SGSM2: variants seen among roughly 807,000 people sequenced by gnomAD.
SGSM2 encodes the protein small G protein signaling modulator 2.
Under a neutral mutation model 126.6 loss-of-function variants are expected in SGSM2, and 89 were observed. The observed-to-expected ratio is 0.70, with a 90% CI of 0.59 to 0.84. The LOEUF (loss-of-function observed/expected upper bound fraction) is 0.84. SGSM2 is among the 40% of genes least tolerant of loss of function. The probability of loss-of-function intolerance (pLI) is 0.00; values close to 1 mark genes in which losing one functional copy is unlikely to be tolerated. For synonymous variants in SGSM2, 614 were observed against 574.3 expected (o/e 1.07, Z -0.99); for missense variants, 1,404 against 1,416.6 (o/e 0.99, Z 0.14).
chr17:2,342,033 A>C (rs969147271), intron 1 of SGSM2, among the ~76,000 whole-genome samples: 2 of 152,170 alleles, frequency 1.3e-5, no homozygotes, highest in African/African-American at 4.8e-5. Flanking sequence ...AGCTATACAC[A>C]ACATGAACAA....
intron 2 of SGSM2, among the ~76,000 whole-genome samples, chr17:2,352,761 CATTTTCTTT>C (rs2064908766): frequency 2.1e-5 from 3 of 140,004 alleles, no homozygotes; most frequent in Admixed American, 7.2e-5. Flanking sequence ...ACCACTGCTG[CATTTTCTTT>C]TTTTTTTTTT....
intron 22 of SGSM2, 45 bp downstream of exon 22, chr17:2,377,998 G>C (rs2066258257): frequency 1.6e-6 from 2 of 1,214,526 alleles, no homozygotes; most frequent in African/African-American, 1.5e-5. Flanking sequence ...GGGACAGTGA[G>C]AGATCCCTCT....
chr17:2,364,859 G>A (rs201834458), intron 9 of SGSM2, 38 bp from the exon 10 acceptor site: 90 of 1,597,064 alleles, frequency 5.6e-5, no homozygotes, highest in Admixed American at 1.3e-4. Flanking sequence ...GATAGCCGAC[G>A]AGAGGGCCTC....
intron 1 of SGSM2, among the ~76,000 whole-genome samples, chr17:2,341,262 C>T (rs895245689): frequency 6.6e-6 from 1 of 152,132 alleles, no homozygotes; most frequent in Non-Finnish European, 1.5e-5. Flanking sequence ...GGATTACTGG[C>T]ACCCACCACC....
At position 2,338,047 on chromosome 17, in the gene SGSM2, G is replaced by C. The variant is rs534194892; in HGVS notation, c.57+302G>C. The stretch of plus-strand genomic sequence containing the variant: ...GGGGAGGGGTGGCGGCGATGGCGGG[G>C]ATGGCTGGATCCGGAGCTGCCCATT... On this transcript the variant is annotated intron_variant, in intron 1 of 23. Transcript: ENST00000268989. 5.3e-5 allele frequency among the ~76,000 whole-genome samples: 8 copies of C among 152,216 alleles called. No individual in the cohort carries two copies. The South Asian group carries it at 1.2e-3, about 24-fold the overall frequency.
chr17:2,380,644 T>C lies in SGSM2; in HGVS notation c.*1124T>C, dbSNP rs769658043. On this transcript the variant is annotated 3_prime_UTR_variant, in exon 24 of 24. Coordinates refer to ENST00000268989, the MANE Select transcript of SGSM2 (RefSeq NM_014853.3). Reference sequence around the variant, plus strand: ...CTCCTGCCCCCAGGCCTAGGCATGCTGCTTGCTCGGCCATCCCCACTTCCT... The same window carrying C: ...CTCCTGCCCCCAGGCCTAGGCATGCCGCTTGCTCGGCCATCCCCACTTCCT... The C allele has an allele frequency of 2.6e-6, 1 of 383,232 alleles. No homozygotes were observed. The highest frequency in any genetic ancestry group is 4.8e-6 in the Non-Finnish European group (1 of 206,234). The allele number at this position is 383,232 out of a possible 1,614,324, so 23.7% of individuals were successfully genotyped here.
intron 21 of SGSM2, chr17:2,377,528 A>C: frequency 5.0e-6 from 1 of 201,988 alleles, no homozygotes; most frequent in East Asian, 1.2e-4. Flanking sequence ...GAAATTGAGG[A>C]GGAGTGTGTG....
At chr17:2,368,923 CG>C (rs1441167689) in intron 12 of SGSM2, among the ~76,000 whole-genome samples, 4 of 152,134 alleles carry the variant, frequency 2.6e-5, no homozygotes, top group Admixed American at 6.5e-5. Context: ...TTGGCAGACT[CG>C]GTGATAAAAA....
Position 2,367,489 on chromosome 17 carries a change from C to A in SGSM2, c.1423+84C>A, listed in dbSNP as rs962236835. Reference sequence around the variant, plus strand: ...CTGCCACCCACCACAGGGGTTCGAACGGCAGTGTTGGCATTAGGGGACTTG... The same window carrying A: ...CTGCCACCCACCACAGGGGTTCGAAAGGCAGTGTTGGCATTAGGGGACTTG... On this transcript the variant is annotated intron_variant, in intron 12 of 23. Coordinates refer to ENST00000268989, the MANE Select transcript of SGSM2 (RefSeq NM_014853.3). This position sits in a 1 kb window ranked among gnomAD's most constrained non-coding sequence, Gnocchi z 4.0. 6 of 1,477,880 alleles carry A rather than the reference C, an allele frequency of 4.1e-6. No individual in the cohort carries two copies. Among genetic ancestry groups the A allele is most frequent in the Non-Finnish European group, 5.5e-6 (6 of 1,086,904 alleles). 91.5% of individuals were successfully genotyped at this position (1,477,880 alleles called of 1,614,324 possible). A position where few individuals can be genotyped will look rare whatever the true frequency, so the allele number is the denominator to read the frequency against.
chr17:2,338,789 A>ATATATATATATATATATATATAT (rs1483751869), intron 1 of SGSM2, among the ~76,000 whole-genome samples: 22 of 148,194 alleles, frequency 1.5e-4, no homozygotes, highest in East Asian at 9.0e-4. Flanking sequence ...ATATATATAT[A>ATATATATATATATATATATATAT]ACCTCACGCC....
chr17:2,352,121 G>A (rs1011122920), intron 2 of SGSM2, among the ~76,000 whole-genome samples: 1 of 152,224 alleles, frequency 6.6e-6, no homozygotes, highest in South Asian at 2.1e-4. Context: ...TCCACCGGCA[G>A]TTGGAGTAAA....
Position 2,375,495 on chromosome 17 carries a change from T to C in SGSM2, c.2104T>C (p.Phe702Leu). Residue 702 changes from phenylalanine (F) to leucine (L), a missense_variant, in exon 18 of 24, where the codon TTT (phenylalanine) becomes CTT (leucine). Transcript: ENST00000268989. ...HRDSTISNDV[F>L]ISVDDLEPPE... The stretch of plus-strand genomic sequence containing the variant: ...CCGCCCTGTGTTCACCCCCCAGGTG[T>C]TTATCTCAGTGGATGATCTGGAACC... The C allele has an allele frequency of 1.9e-6, 3 of 1,606,748 alleles. No individual in the cohort carries two copies. The highest frequency in any genetic ancestry group is 2.6e-6 in the Non-Finnish European group (3 of 1,175,756).
At chr17:2,358,987 C>T (rs543938066) in intron 2 of SGSM2, among the ~76,000 whole-genome samples, 1 of 150,494 alleles carries the variant, frequency 6.6e-6, no homozygotes, top group Non-Finnish European at 1.5e-5. Flanking sequence ...AAGTGATTCT[C>T]CTACCTCAGC....
rs1304856017 is a variant in SGSM2 at position 2,337,612 on chromosome 17, G to T, written c.-77G>T. The T allele has an allele frequency of 4.6e-6, 5 of 1,096,336 alleles. No individual in the cohort carries two copies. The Admixed American group carries it at 1.1e-4, about 23-fold the overall frequency. The allele number at this position is 1,096,336 out of a possible 1,614,324, so 67.9% of individuals were successfully genotyped here. ...GCGGGGGCTCCGCCTTGCGCGTGGG[G>T]CGCTGAGCCGAGAGGCGCGGAGGCG... On this transcript the variant is annotated 5_prime_UTR_variant, in exon 1 of 24. Coordinates refer to ENST00000268989, the MANE Select transcript of SGSM2 (RefSeq NM_014853.3). This position sits in a 1 kb window ranked among gnomAD's most constrained non-coding sequence, Gnocchi z 5.1.
At position 2,354,300 on chromosome 17, in the gene SGSM2, G is replaced by A. The variant is rs562349607; in HGVS notation, c.134-7337G>A. The stretch of plus-strand genomic sequence containing the variant: ...CCTGACCTCGTGACCCACCCGCCTC[G>A]GCCTCCCAAAGTGCTGGGATTACAG... On this transcript the variant is annotated intron_variant, in intron 2 of 23. Coordinates refer to ENST00000268989, the MANE Select transcript of SGSM2 (RefSeq NM_014853.3). 2.0e-4 allele frequency among the ~76,000 whole-genome samples: 30 copies of A among 152,114 alleles called. 1 individual carries two copies. The highest frequency in any genetic ancestry group is 1.9e-3 in the South Asian group (9 of 4,814).
intron 1 of SGSM2, among the ~76,000 whole-genome samples, chr17:2,341,987 A>G (rs2064387602): frequency 6.6e-6 from 1 of 152,184 alleles, no homozygotes; most frequent in Admixed American, 6.5e-5. Flanking sequence ...ACAACCTACA[A>G]CTGTACACAA....
chr17:2,372,494 A>G lies in SGSM2; in HGVS notation c.1788+6A>G, dbSNP rs757555795. On this transcript the variant is annotated splice_donor_region_variant and intron_variant, in intron 15 of 23. Coordinates refer to ENST00000268989, the MANE Select transcript of SGSM2 (RefSeq NM_014853.3). The surrounding 1 kb of genome is among the most constrained non-coding windows in gnomAD (Gnocchi z 6.0). ...AGTATCAGAAGGACAAAAAGGTGCC[A>G]ACCCTGGGGTTCCAGGGCCACAGGT... 4.4e-6 allele frequency: 7 copies of G among 1,596,068 alleles called. No homozygotes were observed. In the South Asian group the frequency reaches 7.9e-5, roughly 18 times the overall value.
intron 17 of SGSM2, 154 bp from the exon 18 acceptor site, chr17:2,375,338 C>A: frequency 1.1e-6 from 1 of 933,274 alleles, no homozygotes; most frequent in Non-Finnish European, 1.5e-6. Flanking sequence ...GGGTCAGAAG[C>A]TGGCTTGGTG....
chr17:2,367,940 C>T lies in SGSM2; in HGVS notation c.1423+535C>T. Among the ~76,000 whole-genome samples, 1 of 152,204 alleles carries T rather than the reference C, an allele frequency of 6.6e-6. No individual in the cohort carries two copies. On this transcript the variant is annotated intron_variant, in intron 12 of 23. Coordinates refer to ENST00000268989, the MANE Select transcript of SGSM2 (RefSeq NM_014853.3). The surrounding 1 kb of genome is among the most constrained non-coding windows in gnomAD (Gnocchi z 4.0). ...GTCTTCCCAGGAGGCCTGAGGGCCC[C>T]AGCCGGCAGGGCCTGGTACTTTGGC...
Sources: allele counts gnomAD v4.1 joint callset (sites outside exome capture counted in the v4.1 genomes callset), GRCh38; gene constraint gnomAD v4.1.1; non-coding constraint Gnocchi (gnomAD v3.1); transcripts MANE v1.5; gene names NCBI Gene and HGNC (gene_info 2026-07-23, HGNC 2026-07-21).